The following NOL4 variants were observed in gnomAD, a reference collection of about 807,000 sequenced individuals.
The protein encoded by NOL4 is cancer/testis antigen 125.
A neutral mutation model predicts 75.9 loss-of-function variants in NOL4; 17 were observed. That is an observed-to-expected ratio of 0.22 (90% CI 0.15 to 0.34). The LOEUF is 0.34. NOL4 is among the 10% of genes least tolerant of loss of function. The pLI, the probability that NOL4 is intolerant of heterozygous loss-of-function variation, is 1.00. For missense variants in NOL4, 614 were observed against 793.5 expected, an observed-to-expected ratio of 0.77 and a Z score of 2.72; for synonymous variants, 292 against 289.9, an observed-to-expected ratio of 1.01 and a Z score of -0.07.
rs114634004 is a variant in NOL4, at chr18:33,991,005, C to A, written c.1056+28313G>T. ...TTACAAACTTTCAATATCTTATACC[C>A]GCTATGCCTGTTACCTGCCTTCATA... On this transcript the variant is annotated intron_variant, in intron 6 of 10. Coordinates refer to ENST00000261592, the MANE Select transcript of NOL4 (RefSeq NM_003787.5). 1.6e-3 allele frequency among the ~76,000 whole-genome samples: 244 copies of A among 152,124 alleles called. 1 individual carries two copies. Among genetic ancestry groups the A allele is most frequent in the African/African-American group, 5.4e-3 (224 of 41,528 alleles).
At chr18:34,174,070 A>G (rs938781593) in intron 1 of NOL4, among the ~76,000 whole-genome samples, 1 of 152,214 alleles carries the variant, frequency 6.6e-6, no homozygotes, top group Non-Finnish European at 1.5e-5. Flanking sequence ...GCAGCTGAAC[A>G]GTACAATACC....
In NOL4 at chr18:33,909,475, G is replaced by A. The variant is rs977829018; in HGVS notation, c.1543-26051C>T. On this transcript the variant is annotated intron_variant, in intron 9 of 10. Transcript: ENST00000261592. ...CTTCCTAGGCATTATATCCGAAACT[G>A]TGCACTTTAACTTCCCATGCAATCA... 5.3e-5 allele frequency among the ~76,000 whole-genome samples: 8 copies of A among 152,170 alleles called. No homozygotes were observed. The South Asian group carries it at 1.2e-3, about 24-fold the overall frequency.
intron 1 of NOL4, among the ~76,000 whole-genome samples, chr18:34,207,795 C>G (rs1303187019): frequency 1.3e-5 from 2 of 152,192 alleles, no homozygotes; most frequent in African/African-American, 4.8e-5. Flanking sequence ...CACACACACT[C>G]TTTTGCCACA....
intron 5 of NOL4, among the ~76,000 whole-genome samples, chr18:34,064,303 C>A (rs1320986444): frequency 6.6e-6 from 1 of 151,952 alleles, no homozygotes; most frequent in African/African-American, 2.4e-5. Context: ...ATGAAAGCTA[C>A]AACAAAGGAT....
intron 10 of NOL4, among the ~76,000 whole-genome samples, chr18:33,863,002 C>CA (rs1170520512): frequency 6.6e-6 from 1 of 152,150 alleles, no homozygotes; most frequent in Non-Finnish European, 1.5e-5. Context: ...TTCACAATAG[C>CA]AAAGACTTGG....
At chr18:34,126,864 G>A in intron 2 of NOL4, among the ~76,000 whole-genome samples, 1 of 151,922 alleles carries the variant, frequency 6.6e-6, no homozygotes, top group East Asian at 1.9e-4. Flanking sequence ...TCAAACATGA[G>A]TGATATTGAG....
At chr18:34,195,327 T>G (rs1347047285) in intron 1 of NOL4, among the ~76,000 whole-genome samples, 1 of 152,160 alleles carries the variant, frequency 6.6e-6, no homozygotes, top group Non-Finnish European at 1.5e-5. Flanking sequence ...AATCTTCACT[T>G]TATGGATATT....
intron 8 of NOL4, among the ~76,000 whole-genome samples, chr18:33,951,845 G>A (rs2069248047): frequency 6.6e-6 from 1 of 152,120 alleles, no homozygotes. Flanking sequence ...TAGAGAATGA[G>A]CCTTTCTTGG....
Position 34,024,194 on chromosome 18 carries a change from A to AAATATATATATATATATATATATAT in NOL4, c.773-4594_773-4593insATATATATATATATATATATATATT. Among the ~76,000 whole-genome samples the AAATATATATATATATATATATATAT allele has an allele frequency of 8.4e-4, 59 of 70,634 alleles. 1 individual carries two copies. Among genetic ancestry groups the AAATATATATATATATATATATATAT allele is most frequent in the African/African-American group, 1.8e-3 (34 of 18,940 alleles). The allele number at this position is 70,634 out of a possible 152,430, so 46.3% of individuals were successfully genotyped here. A position where few individuals can be genotyped will look rare whatever the true frequency, so the allele number is the denominator to read the frequency against. ...CAAAATAAACAGGAAAAAAAAAAAA[A>AAATATATATATATATATATATATAT]ATATATATATATATATATATAAAAT... On this transcript the variant is annotated intron_variant, in intron 5 of 10. Coordinates refer to ENST00000261592, the MANE Select transcript of NOL4 (RefSeq NM_003787.5).
At chr18:33,867,190 T>C (rs373594969) in intron 10 of NOL4, among the ~76,000 whole-genome samples, 77 of 152,292 alleles carry the variant, frequency 5.1e-4, no homozygotes, top group African/African-American at 1.2e-3. Context: ...CATTAAGATT[T>C]GAACCTGGGT....
chr18:34,016,241 T>G (rs946583642), intron 6 of NOL4, among the ~76,000 whole-genome samples: 1 of 152,238 alleles, frequency 6.6e-6, no homozygotes, highest in East Asian at 1.9e-4. Flanking sequence ...GTCAGTTATT[T>G]GATTCCAACT....
intron 1 of NOL4, among the ~76,000 whole-genome samples, chr18:34,165,379 A>C (rs1418584291): frequency 1.3e-5 from 2 of 151,900 alleles, no homozygotes; most frequent in African/African-American, 4.8e-5. Context: ...TTGAATGGGA[A>C]AGTAAGTAGA....
chr18:34,017,898 A>T (rs2074797499), intron 6 of NOL4, among the ~76,000 whole-genome samples: 1 of 152,098 alleles, frequency 6.6e-6, no homozygotes, highest in Admixed American at 6.6e-5. Flanking sequence ...CTCATTTATC[A>T]TCTTAACCCT....
chr18:33,922,254 AAC>A (rs2067085570), intron 9 of NOL4, among the ~76,000 whole-genome samples: 1 of 152,214 alleles, frequency 6.6e-6, no homozygotes. Context: ...TAAATTTTGT[AAC>A]AGTTTCAAGA....
rs747096411 is a variant in NOL4 at position 33,975,316 on chromosome 18, T to C, written c.1057-16898A>G. Reference sequence around the variant, plus strand: ...ATGCTAAAATTATGAGACTTTTTTATACCACCATAAAAACAGAAATAAAAT... The same window carrying C: ...ATGCTAAAATTATGAGACTTTTTTACACCACCATAAAAACAGAAATAAAAT... On this transcript the variant is annotated intron_variant, in intron 6 of 10. Transcript: ENST00000261592. Among the ~76,000 whole-genome samples, 80 of 152,348 alleles carry C rather than the reference T, an allele frequency of 5.3e-4. 1 individual carries two copies. The highest frequency in any genetic ancestry group is 1.1e-3 in the Non-Finnish European group (74 of 68,040).
intron 1 of NOL4, among the ~76,000 whole-genome samples, chr18:34,214,849 TC>T (rs979604721): frequency 6.6e-6 from 1 of 152,182 alleles, no homozygotes; most frequent in Non-Finnish European, 1.5e-5. Flanking sequence ...GAAAATCTTG[TC>T]ACATATAATT....
At chr18:34,159,557 C>T (rs186604212) in intron 1 of NOL4, among the ~76,000 whole-genome samples, 41 of 152,210 alleles carry the variant, frequency 2.7e-4, no homozygotes, top group Admixed American at 2.3e-3. Context: ...AGTTTGAGCA[C>T]GTGACCTTCC....
intron 9 of NOL4, among the ~76,000 whole-genome samples, chr18:33,905,418 A>C (rs1310714994): frequency 6.6e-6 from 1 of 152,166 alleles, no homozygotes. Flanking sequence ...AGGTCACCCC[A>C]CCATTCCAGA....
At chr18:33,877,669 A>C (rs2064009690) in intron 10 of NOL4, among the ~76,000 whole-genome samples, 1 of 152,088 alleles carries the variant, frequency 6.6e-6, no homozygotes. Flanking sequence ...AGACCTCAAC[A>C]TAGTACTACA....
Sources: allele counts gnomAD v4.1 joint callset (sites outside exome capture counted in the v4.1 genomes callset), GRCh38; gene constraint gnomAD v4.1.1; transcripts MANE v1.5; gene names NCBI Gene and HGNC (gene_info 2026-07-23, HGNC 2026-07-21).